CPSF3: variants seen among roughly 807,000 people sequenced by gnomAD.
CPSF3 encodes cleavage and polyadenylation specific factor 3, also known as cleavage and polyadenylation specificity factor subunit 3.
In CPSF3, 57 loss-of-function variants were observed where a neutral mutation model predicts 84.1. That is an observed-to-expected ratio of 0.68 (90% CI 0.55 to 0.85). CPSF3 has a LOEUF of 0.85. CPSF3 is among the 40% of genes least tolerant of loss of function. The probability of loss-of-function intolerance (pLI) is 0.00; values close to 1 mark genes in which losing one functional copy is unlikely to be tolerated. For synonymous variants in CPSF3, 275 were observed against 278.1 expected (o/e 0.99, Z 0.11); for missense variants, 522 against 838.8 (o/e 0.62, Z 4.66).
At chr2:9,461,570 T>C (rs1032259567) in intron 15 of CPSF3, among the ~76,000 whole-genome samples, 3 of 151,526 alleles carry the variant, frequency 2.0e-5, no homozygotes, top group African/African-American at 7.3e-5. Flanking sequence ...TTCAGGAGGC[T>C]GAGGGGCGAA....
chr2:9,455,084 A>G (rs915426627), intron 12 of CPSF3, among the ~76,000 whole-genome samples: 6 of 151,778 alleles, frequency 4.0e-5, no homozygotes, highest in Non-Finnish European at 5.9e-5. Flanking sequence ...GACAGCTGGC[A>G]TACCAGCTCT....
chr2:9,453,833 G>C (rs1283177425), intron 12 of CPSF3, among the ~76,000 whole-genome samples: 1 of 152,086 alleles, frequency 6.6e-6, no homozygotes, highest in Non-Finnish European at 1.5e-5. Flanking sequence ...GGAGGTTGCA[G>C]TGAGCTGAGA....
intron 12 of CPSF3, among the ~76,000 whole-genome samples, chr2:9,455,279 G>T (rs1375080461): frequency 6.6e-6 from 1 of 152,120 alleles, no homozygotes; most frequent in African/African-American, 2.4e-5. Flanking sequence ...AGGACTACAG[G>T]CATGCGCTAC....
In CPSF3 at chr2:9,441,279, C is replaced by T. The variant is rs898919094; in HGVS notation, c.937-539C>T. 5.3e-5 allele frequency among the ~76,000 whole-genome samples: 8 copies of T among 152,120 alleles called. No individual in the cohort carries two copies. In the East Asian group the frequency reaches 5.8e-4, roughly 11 times the overall value. Reference sequence around the variant, plus strand: ...GAATCATAATAAAATAATTGATATCCGAAATAATTTAAAAGTGGACTTCCA... The same window carrying T: ...GAATCATAATAAAATAATTGATATCTGAAATAATTTAAAAGTGGACTTCCA... On this transcript the variant is annotated intron_variant, in intron 8 of 17. Coordinates refer to ENST00000238112, the MANE Select transcript of CPSF3 (RefSeq NM_016207.4).
intron 7 of CPSF3, among the ~76,000 whole-genome samples, chr2:9,438,177 C>T (rs1680851887): frequency 6.6e-6 from 1 of 152,192 alleles, no homozygotes. Flanking sequence ...GAAGAAATGA[C>T]CCCAGATGAA....
In CPSF3 at chr2:9,467,690, G is replaced by A. The variant is rs201561947; in HGVS notation, c.1787-17G>A. The A allele has an allele frequency of 4.6e-5, 72 of 1,565,330 alleles. No individual in the cohort carries two copies. The highest frequency in any genetic ancestry group is 1.0e-4 in the South Asian group (9 of 86,314). On this transcript the variant is annotated splice_polypyrimidine_tract_variant and intron_variant, in intron 15 of 17. Coordinates refer to ENST00000238112, the MANE Select transcript of CPSF3 (RefSeq NM_016207.4). ...GAATTTAGAAACTGAACTCTCTGTC[G>A]CTTTTTTTTTTCCCAGGTGCAGTAC... is the stretch of plus-strand genomic sequence containing the variant.
chr2:9,434,042 T>A, intron 6 of CPSF3, 82 bp downstream of exon 6: 1 of 790,430 alleles, frequency 1.3e-6, no homozygotes, highest in Non-Finnish European at 2.1e-6. Flanking sequence ...GTGATCTCAC[T>A]TTCATAATAT....
At chr2:9,438,050 G>T (rs975903540) in intron 7 of CPSF3, among the ~76,000 whole-genome samples, 2 of 152,264 alleles carry the variant, frequency 1.3e-5, no homozygotes, top group Non-Finnish European at 2.9e-5. Flanking sequence ...TGTCACCTCT[G>T]TGCGAAGCAC....
chr2:9,466,184 ACACACAC>A (rs1681904198), intron 15 of CPSF3, among the ~76,000 whole-genome samples: 1 of 150,228 alleles, frequency 6.7e-6, no homozygotes, highest in African/African-American at 2.5e-5. Flanking sequence ...CTACACGCAC[ACACACAC>A]GCGCTCACAC....
chr2:9,443,672 G>A lies in CPSF3; in HGVS notation c.1242+11G>A. 1.2e-6 allele frequency: 2 copies of A among 1,611,786 alleles called. No homozygotes were observed. Among genetic ancestry groups the A allele is most frequent in the Non-Finnish European group, 8.5e-7 (1 of 1,178,922 alleles). The stretch of plus-strand genomic sequence containing the variant: ...AAACCGCCTCATGTGGTTAGTCTAT[G>A]AATTTCATTTATTGTATTAAAGGGA... On this transcript the variant is annotated intron_variant, in intron 10 of 17. Transcript: ENST00000238112.
At chr2:9,445,519 AT>A (rs1681100072) in intron 10 of CPSF3, among the ~76,000 whole-genome samples, 1 of 152,158 alleles carries the variant, frequency 6.6e-6, no homozygotes, top group Non-Finnish European at 1.5e-5. Context: ...CCTCACAGGT[AT>A]TTGCCACTGG....
At chr2:9,442,409 T>C (rs1680983639) in intron 9 of CPSF3, among the ~76,000 whole-genome samples, 1 of 152,230 alleles carries the variant, frequency 6.6e-6, no homozygotes, top group Non-Finnish European at 1.5e-5. Context: ...GTAGAAAATA[T>C]ATGCAGAACT....
At chr2:9,465,425 C>T (rs983001764) in intron 15 of CPSF3, among the ~76,000 whole-genome samples, 2 of 151,702 alleles carry the variant, frequency 1.3e-5, no homozygotes, top group Non-Finnish European at 2.9e-5. Flanking sequence ...GCCTGGGCAA[C>T]AGAGCGAGAC....
Position 9,459,629 on chromosome 2 carries a change from AT to A in CPSF3, c.1786+16del. ...CCAAAATAAGAAAAGGTAAGAGTTC[AT>A]TTTTATCCTTTTTTTTTTTTTTTTT... On this transcript the variant is annotated intron_variant, in intron 15 of 17. Transcript: ENST00000238112. 3.0e-6 allele frequency: 2 copies of A among 662,328 alleles called. No individual in the cohort carries two copies. The highest frequency in any genetic ancestry group is 2.4e-5 in the South Asian group (1 of 42,066). 41.0% of individuals were successfully genotyped at this position (662,328 alleles called of 1,614,324 possible).
rs370880550 is a variant in CPSF3 at position 9,433,784 on chromosome 2, A to G, written c.520-87A>G. On this transcript the variant is annotated intron_variant, in intron 5 of 17. Transcript: ENST00000238112. ...TTTTAGACTTAAAAACTGTAACTGCACTTTTGGATTTCATGAGTTTAATCT... is the reference window on the plus strand; with the variant it reads ...TTTTAGACTTAAAAACTGTAACTGCGCTTTTGGATTTCATGAGTTTAATCT... The G allele has an allele frequency of 2.5e-5, 21 of 842,940 alleles. No homozygotes were observed. In the East Asian group the frequency reaches 5.2e-4, roughly 21 times the overall value. The allele number at this position is 842,940 out of a possible 1,614,324, so 52.2% of individuals were successfully genotyped here. A position where few individuals can be genotyped will look rare whatever the true frequency, so the allele number is the denominator to read the frequency against.
rs1277242997 is a variant in CPSF3 at position 9,472,979 on chromosome 2, GCA to G, written c.2020_2021del (p.Gln674GlufsTer30). On this transcript the variant is annotated frameshift_variant, in exon 18 of 18. Transcript: ENST00000238112. LOFTEE classifies it high-confidence loss of function. ...ESLREMVELAAQRLYEALTPV... is the reference protein window; with the variant it reads ...ESLREMVELAXQRLYEALTPV... The stretch of plus-strand genomic sequence containing the variant: ...CCTCCGAGAAATGGTGGAGCTGGCT[GCA>G]CAGAGACTGTACGAGGCCCTGACGC... 1.9e-6 allele frequency: 3 copies of G among 1,613,756 alleles called. No homozygotes were observed. Among genetic ancestry groups the G allele is most frequent in the Admixed American group, 1.7e-5 (1 of 59,980 alleles).
At chr2:9,424,068 A>AG (rs1270807574) in intron 1 of CPSF3, 35 of 913,474 alleles carry the variant, frequency 3.8e-5, no homozygotes, top group Non-Finnish European at 4.6e-5. Flanking sequence ...TTGGAGTCGG[A>AG]AAAAAAAAAG....
chr2:9,436,062 C>T (rs1572773433), intron 6 of CPSF3, 149 bp from the exon 7 acceptor site: 6 of 637,224 alleles, frequency 9.4e-6, no homozygotes, highest in Non-Finnish European at 1.2e-5. Context: ...TTGCTCTTCC[C>T]AATTACTATT....
intron 6 of CPSF3, among the ~76,000 whole-genome samples, chr2:9,434,394 G>A (rs2148937622): frequency 6.6e-6 from 1 of 152,092 alleles, no homozygotes; most frequent in Admixed American, 6.5e-5. Context: ...TGGGGCAGGT[G>A]CTTCTTTTTG....
Sources: gnomAD v4.1 joint callset for allele counts (sites outside exome capture counted in the v4.1 genomes callset) on GRCh38, gnomAD v4.1.1 for gene constraint, MANE v1.5 for transcripts, NCBI Gene and HGNC (gene_info 2026-07-23, HGNC 2026-07-21) for gene names.